Variants in GPC6 observed in about 807,000 individuals in gnomAD.
GPC6 encodes the protein glypican 6, also known as glypican-6.
Under a neutral mutation model 55.2 loss-of-function variants are expected in GPC6, and 14 were observed. That is an observed-to-expected ratio of 0.25 (90% CI 0.17 to 0.40). The LOEUF is 0.40. GPC6 is among the 10% of genes least tolerant of loss of function. GPC6 has a pLI of 1.00. For synonymous variants in GPC6, 278 were observed against 259.6 expected (o/e 1.07, Z -0.68); for missense variants, 641 against 708.5 (o/e 0.90, Z 1.08).
intron 1 of GPC6, among the ~76,000 whole-genome samples, chr13:93,303,941 T>C (rs537835288): frequency 8.7e-5 from 13 of 149,066 alleles, no homozygotes; most frequent in African/African-American, 2.7e-4. Context: ...CAATCTCGGC[T>C]CACTGCAACC....
intron 4 of GPC6, chr13:94,154,422 A>G (rs948693219): frequency 1.3e-5 from 2 of 152,212 alleles, no homozygotes; most frequent in Non-Finnish European, 2.9e-5. Flanking sequence ...ACAAAAAGAC[A>G]TGGAAGTTAA....
At chr13:94,248,101 T>C (rs772833414) in intron 4 of GPC6, among the ~76,000 whole-genome samples, 3 of 152,152 alleles carry the variant, frequency 2.0e-5, no homozygotes, top group Non-Finnish European at 2.9e-5. Context: ...CAGCTCTATT[T>C]CTGAAAACAT....
chr13:93,895,282 C>G (rs973542390), intron 3 of GPC6, among the ~76,000 whole-genome samples: 1 of 119,070 alleles, frequency 8.4e-6, no homozygotes, highest in Non-Finnish European at 1.7e-5. Context: ...ATATATGTAA[C>G]TGTTCACACA....
intron 2 of GPC6, among the ~76,000 whole-genome samples, chr13:93,566,156 A>G (rs1367841654): frequency 1.3e-5 from 2 of 152,190 alleles, no homozygotes; most frequent in African/African-American, 4.8e-5. Context: ...AGGCAGAGAT[A>G]TGCTGTAAAA....
At chr13:93,516,728 T>C (rs1346249505) in intron 1 of GPC6, among the ~76,000 whole-genome samples, 1 of 151,244 alleles carries the variant, frequency 6.6e-6, no homozygotes, top group East Asian at 1.9e-4. Context: ...TATATTATGC[T>C]CTGTGAGCAA....
intron 7 of GPC6, among the ~76,000 whole-genome samples, chr13:94,386,379 AAAAG>A (rs1170444641): frequency 6.6e-6 from 1 of 150,898 alleles, no homozygotes; most frequent in Non-Finnish European, 1.5e-5. Flanking sequence ...AAAAGAAAAG[AAAAG>A]AAAGAAAGAC....
At chr13:93,288,006 C>T (rs1229360990) in intron 1 of GPC6, among the ~76,000 whole-genome samples, 1 of 152,082 alleles carries the variant, frequency 6.6e-6, no homozygotes, top group Non-Finnish European at 1.5e-5. Context: ...TGTTTTTAAG[C>T]TTCATCGGTT....
chr13:93,535,175 A>G (rs1179690518), intron 1 of GPC6, among the ~76,000 whole-genome samples: 4 of 152,172 alleles, frequency 2.6e-5, no homozygotes, highest in Non-Finnish European at 4.4e-5. Context: ...ATTATATATT[A>G]GACATATTAT....
intron 2 of GPC6, among the ~76,000 whole-genome samples, chr13:93,616,609 A>G (rs183679982): frequency 3.9e-5 from 6 of 152,236 alleles, no homozygotes; most frequent in Admixed American, 2.6e-4. Context: ...TTAATAACAC[A>G]ATGTTAGAAG....
intron 6 of GPC6, among the ~76,000 whole-genome samples, chr13:94,342,086 A>AGGAT (rs1489904664): frequency 6.6e-6 from 1 of 152,246 alleles, no homozygotes; most frequent in Non-Finnish European, 1.5e-5. Flanking sequence ...CTGCATCAAC[A>AGGAT]TCTGCCTTTT....
At chr13:94,045,745 CAAAAAA>C (rs541767325) in intron 4 of GPC6, among the ~76,000 whole-genome samples, 1 of 116,206 alleles carries the variant, frequency 8.6e-6, no homozygotes. Flanking sequence ...CATGGATTTT[CAAAAAA>C]AAAAAAAAAA....
At chr13:93,480,762 G>C (rs893360833) in intron 1 of GPC6, among the ~76,000 whole-genome samples, 7 of 152,128 alleles carry the variant, frequency 4.6e-5, no homozygotes, top group Non-Finnish European at 8.8e-5. Flanking sequence ...CTACACTGTA[G>C]CACATGGAAG....
chr13:93,304,552 A>T (rs2139098912), intron 1 of GPC6, among the ~76,000 whole-genome samples: 1 of 152,336 alleles, frequency 6.6e-6, no homozygotes, highest in Non-Finnish European at 1.5e-5. Flanking sequence ...CCTGGATTTG[A>T]GTTCTCCATA....
At chr13:94,235,952 C>G (rs1890866420) in intron 4 of GPC6, among the ~76,000 whole-genome samples, 1 of 152,124 alleles carries the variant, frequency 6.6e-6, no homozygotes. Flanking sequence ...CCTGAGAACT[C>G]TTCTTGTCCA....
chr13:93,526,673 A>G (rs537009556), intron 1 of GPC6, among the ~76,000 whole-genome samples: 26 of 152,224 alleles, frequency 1.7e-4, no homozygotes, highest in South Asian at 8.3e-4. Context: ...CTGAAGCAAC[A>G]TTTGCCCTTC....
chr13:93,549,016 C>T (rs1019481919), intron 2 of GPC6, among the ~76,000 whole-genome samples: 5 of 152,146 alleles, frequency 3.3e-5, no homozygotes, highest in African/African-American at 7.2e-5. Flanking sequence ...TTACACATCC[C>T]TGTAAGCCTC....
chr13:94,091,907 T>TG lies in GPC6; in HGVS notation c.877+64013_877+64014insG, dbSNP rs1413466472. Reference sequence around the variant, plus strand: ...CGAGATCAAATTCTGTGTGTGTGTGTTTGTGTGTGTGTGTGTGTGTGTGTG... The same window carrying TG: ...CGAGATCAAATTCTGTGTGTGTGTGTGTTGTGTGTGTGTGTGTGTGTGTGTG... On this transcript the variant is annotated intron_variant, in intron 4 of 8. Transcript: ENST00000377047. 8.5e-4 allele frequency among the ~76,000 whole-genome samples: 53 copies of TG among 62,192 alleles called. No homozygotes were observed. The East Asian group carries it at 0.015, about 18-fold the overall frequency. The allele number at this position is 62,192 out of a possible 152,430, so 40.8% of individuals were successfully genotyped here. A position where few individuals can be genotyped will look rare whatever the true frequency, so the allele number is the denominator to read the frequency against.
rs544491517 is a variant in GPC6 at position 94,333,268 on chromosome 13, G to C, written c.1152+27145G>C. Among the ~76,000 whole-genome samples the C allele has an allele frequency of 2.0e-5, 3 of 152,274 alleles. No individual in the cohort carries two copies. The South Asian group carries it at 6.2e-4, about 32-fold the overall frequency. On this transcript the variant is annotated intron_variant, in intron 6 of 8. Transcript: ENST00000377047. ...TCAACTCATATTTTGCCCTTTTCCA[G>C]ATTATGCATTAGATGCAGTCATGGC...
At chr13:93,533,789 A>G (rs919216758) in intron 1 of GPC6, among the ~76,000 whole-genome samples, 1 of 150,740 alleles carries the variant, frequency 6.6e-6, no homozygotes, top group Non-Finnish European at 1.5e-5. Context: ...TCTTGCTGTC[A>G]GCCACCTCTT....
Sources: gnomAD v4.1 joint callset for allele counts (sites outside exome capture counted in the v4.1 genomes callset) on GRCh38, gnomAD v4.1.1 for gene constraint, MANE v1.5 for transcripts, NCBI Gene and HGNC (gene_info 2026-07-23, HGNC 2026-07-21) for gene names.